EIF4G3: variants seen among roughly 807,000 people sequenced by gnomAD.
EIF4G3 encodes the protein eukaryotic translation initiation factor 4 gamma 3, also known as eIF-4-gamma 3.
A neutral mutation model predicts 186.4 loss-of-function variants in EIF4G3; 34 were observed. The observed-to-expected ratio is 0.18, with a 90% CI of 0.14 to 0.24. EIF4G3 has a LOEUF of 0.24. Ranked by LOEUF, EIF4G3 falls within the 10% of genes least tolerant of loss-of-function variation. The probability of loss-of-function intolerance (pLI) is 1.00; values close to 1 mark genes in which losing one functional copy is unlikely to be tolerated. For synonymous variants in EIF4G3, 673 were observed against 679.5 expected, an observed-to-expected ratio of 0.99 and a Z score of 0.15; for missense variants, 1,536 against 1,948.5, an observed-to-expected ratio of 0.79 and a Z score of 3.99.
chr1:20,962,195 C>T (rs1297961541), intron 12 of EIF4G3, among the ~76,000 whole-genome samples: 1 of 152,158 alleles, frequency 6.6e-6, no homozygotes, highest in East Asian at 1.9e-4. Flanking sequence ...ACTGACCCCA[C>T]ACAGTTGAAA....
rs71014131 is a variant in EIF4G3, at chr1:20,952,154, C to CT, written c.715-2044dup. The stretch of plus-strand genomic sequence containing the variant: ...TAACGTATTAACATATAATTCAACA[C>CT]TTTTTTTTTTTTTTTTTTTGAGACG... On this transcript the variant is annotated intron_variant, in intron 12 of 36. Coordinates refer to ENST00000602326, the MANE Select transcript of EIF4G3 (RefSeq NM_001391906.1). 1.7e-3 allele frequency among the ~76,000 whole-genome samples: 190 copies of CT among 114,496 alleles called. 1 individual carries two copies. Among genetic ancestry groups the CT allele is most frequent in the African/African-American group, 5.7e-3 (179 of 31,248 alleles). 75.1% of individuals were successfully genotyped at this position (114,496 alleles called of 152,430 possible). A position where few individuals can be genotyped will look rare whatever the true frequency, so the allele number is the denominator to read the frequency against.
chr1:20,969,333 G>A (rs914008412), intron 12 of EIF4G3, 141 bp downstream of exon 12: 13 of 950,560 alleles, frequency 1.4e-5, no homozygotes, highest in Non-Finnish European at 2.0e-5. Context: ...AAACATGTCT[G>A]TTTAAATACC....
intron 2 of EIF4G3, among the ~76,000 whole-genome samples, chr1:21,142,964 A>G (rs189149950): frequency 1.3e-5 from 2 of 152,234 alleles, no homozygotes; most frequent in East Asian, 3.9e-4. Flanking sequence ...AAAAGAAAAA[A>G]TAGGCCAAAT....
chr1:20,810,751 A>C lies in EIF4G3; in HGVS notation c.4731T>G (p.Leu1577=). 6.2e-7 allele frequency: 1 copy of C among 1,613,552 alleles called. No individual in the cohort carries two copies. Among genetic ancestry groups the C allele is most frequent in the South Asian group, 1.1e-5 (1 of 91,082 alleles). ...LYALQASIVK[L]DQPANLLRMF... is the part of the protein sequence containing the mutation. ...AGATAAACTTACTGGCAGGTTGATC[A>C]AGTTTTACTATCGATGCTTGTAGTG... is the stretch of plus-strand genomic sequence containing the variant. Residue 1577 remains leucine (L), a synonymous_variant, in exon 36 of 37, where the codon CTT becomes CTG. Coordinates refer to ENST00000602326, the MANE Select transcript of EIF4G3 (RefSeq NM_001391906.1). This position sits in a 1 kb window ranked among gnomAD's most constrained non-coding sequence, Gnocchi z 4.1.
intron 11 of EIF4G3, 134 bp downstream of exon 11, chr1:20,972,868 G>A (rs2076168899): frequency 3.1e-6 from 2 of 649,262 alleles, no homozygotes; most frequent in Non-Finnish European, 5.0e-6. Flanking sequence ...GAAGTGGTGT[G>A]ACTATAAGGG....
intron 4 of EIF4G3, among the ~76,000 whole-genome samples, chr1:21,013,028 T>A (rs2087665825): frequency 6.6e-6 from 1 of 151,994 alleles, no homozygotes; most frequent in African/African-American, 2.4e-5. Flanking sequence ...AATATGAAAG[T>A]AGAAGCAGTA....
intron 4 of EIF4G3, among the ~76,000 whole-genome samples, chr1:21,040,542 G>T (rs56269358): frequency 2.0e-5 from 3 of 152,076 alleles, no homozygotes; most frequent in African/African-American, 7.2e-5. Context: ...AGGCCGGGAC[G>T]TATGGCTGGT....
chr1:20,986,767 A>AAAAAAAG (rs2079631159), intron 7 of EIF4G3, among the ~76,000 whole-genome samples: 1 of 144,136 alleles, frequency 6.9e-6, no homozygotes, highest in African/African-American at 2.6e-5. Context: ...AAAAAAAAAA[A>AAAAAAAG]AAAAGAAAAC....
intron 15 of EIF4G3, 137 bp from the exon 16 acceptor site, chr1:20,900,080 AT>A: frequency 1.1e-6 from 1 of 909,930 alleles, no homozygotes; most frequent in Non-Finnish European, 1.7e-6. Flanking sequence ...AGCATGTGGT[AT>A]TAGAATGCTG....
intron 20 of EIF4G3, among the ~76,000 whole-genome samples, chr1:20,876,348 TATATGCATA>T (rs1483767021): frequency 2.0e-5 from 3 of 150,436 alleles, no homozygotes; most frequent in African/African-American, 7.3e-5. Context: ...CAAGTTATGG[TATATGCATA>T]TTATGAAATA....
chr1:20,865,035 G>A lies in EIF4G3; in HGVS notation c.2769+81C>T, dbSNP rs112616767. ...TAGGTCCCTCTTAAGGTAGCAGGGA[G>A]ATGCTGTATCTAGCTTCCTGAAATT... On this transcript the variant is annotated intron_variant, in intron 21 of 36. Transcript: ENST00000602326. 1,151 of 1,499,708 alleles carry A rather than the reference G, an allele frequency of 7.7e-4. 11 individuals are homozygous for A. The African/African-American group carries it at 0.014, about 19-fold the overall frequency. 92.9% of individuals were successfully genotyped at this position (1,499,708 alleles called of 1,614,324 possible).
At chr1:20,897,722 G>A (rs529698921) in intron 16 of EIF4G3, among the ~76,000 whole-genome samples, 1 of 151,870 alleles carries the variant, frequency 6.6e-6, no homozygotes, top group Non-Finnish European at 1.5e-5. Flanking sequence ...TTAAAAAGTA[G>A]ACAGCTTATT....
At chr1:21,078,717 G>T (rs2095665249) in intron 3 of EIF4G3, among the ~76,000 whole-genome samples, 1 of 152,208 alleles carries the variant, frequency 6.6e-6, no homozygotes, top group Admixed American at 6.5e-5. Context: ...GGGCATGGTG[G>T]CTCATGCCTG....
chr1:21,016,122 T>C (rs1312232461), intron 4 of EIF4G3, among the ~76,000 whole-genome samples: 1 of 152,198 alleles, frequency 6.6e-6, no homozygotes, highest in Non-Finnish European at 1.5e-5. Flanking sequence ...TATATAAAGA[T>C]GCGATTTGTG....
At chr1:20,887,312 A>C (rs2154555063) in intron 18 of EIF4G3, among the ~76,000 whole-genome samples, 1 of 152,166 alleles carries the variant, frequency 6.6e-6, no homozygotes, top group Non-Finnish European at 1.5e-5. Context: ...CATAGATGAG[A>C]ATCATTTCTC....
chr1:21,152,331 TG>T, intron 2 of EIF4G3, among the ~76,000 whole-genome samples: 1 of 3,150 alleles, frequency 3.2e-4, no homozygotes, highest in Non-Finnish European at 1.6e-3. Flanking sequence ...AGCGAGACCC[TG>T]TCTCTACAAA....
intron 11 of EIF4G3, among the ~76,000 whole-genome samples, chr1:20,972,035 A>C (rs1241016370): frequency 6.6e-6 from 1 of 152,212 alleles, no homozygotes; most frequent in East Asian, 1.9e-4. Flanking sequence ...TCTTGAATAA[A>C]AAGATCACCC....
chr1:20,936,248 T>C (rs933567048), intron 14 of EIF4G3, among the ~76,000 whole-genome samples: 5 of 152,150 alleles, frequency 3.3e-5, no homozygotes, highest in African/African-American at 1.2e-4. Context: ...GAAACATACC[T>C]TTTAGGCAGC....
intron 3 of EIF4G3, among the ~76,000 whole-genome samples, chr1:21,066,809 C>T (rs558399054): frequency 1.3e-5 from 2 of 152,278 alleles, no homozygotes; most frequent in South Asian, 4.1e-4. Flanking sequence ...CCATTTACCA[C>T]ACAACTAGTT....
Sources: gnomAD v4.1 joint callset for allele counts (sites outside exome capture counted in the v4.1 genomes callset) on GRCh38, gnomAD v4.1.1 for gene constraint, Gnocchi (gnomAD v3.1) non-coding constraint, MANE v1.5 for transcripts, NCBI Gene and HGNC (gene_info 2026-07-23, HGNC 2026-07-21) for gene names.